TANGO6: variants seen among roughly 807,000 people sequenced by gnomAD.
TANGO6 encodes the protein transport and Golgi organization protein 6 homolog.
Under a neutral mutation model 114.2 loss-of-function variants are expected in TANGO6, and 90 were observed. That is an observed-to-expected ratio of 0.79 (90% CI 0.66 to 0.94). The LOEUF is 0.94. TANGO6 is among the 40% of genes least tolerant of loss of function. The pLI is 0.00. For synonymous variants in TANGO6, 477 were observed against 509.8 expected, an observed-to-expected ratio of 0.94 and a Z score of 0.87; for missense variants, 1,274 against 1,315.3, an observed-to-expected ratio of 0.97 and a Z score of 0.49.
At chr16:69,009,989 G>A (rs1280663113) in intron 15 of TANGO6, among the ~76,000 whole-genome samples, 1 of 152,192 alleles carries the variant, frequency 6.6e-6, no homozygotes, top group Admixed American at 6.5e-5. Context: ...CCAAATGACT[G>A]TGCGATTGAT....
intron 14 of TANGO6, among the ~76,000 whole-genome samples, chr16:68,944,092 G>A (rs932669293): frequency 3.3e-5 from 5 of 152,160 alleles, no homozygotes; most frequent in African/African-American, 1.2e-4. Context: ...TATTTGGAAT[G>A]TATGATTTTA....
At chr16:68,855,959 A>C (rs1216641425) in intron 1 of TANGO6, among the ~76,000 whole-genome samples, 1 of 149,820 alleles carries the variant, frequency 6.7e-6, no homozygotes, top group Non-Finnish European at 1.5e-5. Flanking sequence ...TTTGTTTTTT[A>C]ATTTTTGTTT....
chr16:68,920,190 T>C (rs1963071115), intron 12 of TANGO6, among the ~76,000 whole-genome samples: 1 of 152,242 alleles, frequency 6.6e-6, no homozygotes, highest in African/African-American at 2.4e-5. Flanking sequence ...ACTAAATGAC[T>C]GTTCAGAAAT....
chr16:68,921,175 TTC>T (rs1482977198), intron 12 of TANGO6, among the ~76,000 whole-genome samples: 1 of 151,218 alleles, frequency 6.6e-6, no homozygotes, highest in Non-Finnish European at 1.5e-5. Context: ...GGAATCATTT[TTC>T]TTTTTTCTTT....
chr16:69,077,933 T>A (rs1960405134), intron 17 of TANGO6, among the ~76,000 whole-genome samples: 1 of 152,204 alleles, frequency 6.6e-6, no homozygotes, highest in African/African-American at 2.4e-5. Flanking sequence ...ATTTATTTTA[T>A]TTTTTATTTG....
chr16:68,844,778 G>T (rs935599941), intron 1 of TANGO6, among the ~76,000 whole-genome samples: 10 of 151,972 alleles, frequency 6.6e-5, no homozygotes, highest in Non-Finnish European at 7.4e-5. Context: ...CAATTTTTAC[G>T]GATGAAGGAC....
chr16:69,075,719 G>C (rs531110284), intron 17 of TANGO6, among the ~76,000 whole-genome samples: 1 of 150,500 alleles, frequency 6.6e-6, no homozygotes, highest in South Asian at 2.1e-4. Context: ...CTCTCAAAGT[G>C]CCGGGATTAC....
intron 17 of TANGO6, among the ~76,000 whole-genome samples, chr16:69,061,640 C>T (rs1960117395): frequency 6.6e-6 from 1 of 152,068 alleles, no homozygotes; most frequent in South Asian, 2.1e-4. Flanking sequence ...TTAGTTCATC[C>T]CCTCTGGGCA....
At chr16:68,899,810 A>G (rs1165256227) in intron 7 of TANGO6, among the ~76,000 whole-genome samples, 1 of 152,094 alleles carries the variant, frequency 6.6e-6, no homozygotes, top group African/African-American at 2.4e-5. Context: ...TATGTTGCCC[A>G]GCTAGGCTTG....
chr16:68,912,985 C>T (rs1962945385), intron 11 of TANGO6, among the ~76,000 whole-genome samples: 1 of 147,746 alleles, frequency 6.8e-6, no homozygotes, highest in South Asian at 2.2e-4. Context: ...AAGGCTGAGG[C>T]ATGAAAAACA....
chr16:68,948,829 T>G (rs1217601790), intron 14 of TANGO6, among the ~76,000 whole-genome samples: 2 of 152,206 alleles, frequency 1.3e-5, no homozygotes, highest in African/African-American at 4.8e-5. Context: ...CAGACAATCA[T>G]TAGTGTTTCA....
chr16:68,999,449 G>T (rs1006520893), intron 15 of TANGO6, among the ~76,000 whole-genome samples: 1 of 152,100 alleles, frequency 6.6e-6, no homozygotes, highest in African/African-American at 2.4e-5. Flanking sequence ...GTTTATATTT[G>T]AAAGCATGCC....
intron 16 of TANGO6, among the ~76,000 whole-genome samples, chr16:69,025,584 T>C (rs1959487431): frequency 6.6e-6 from 1 of 152,230 alleles, no homozygotes. Context: ...CAGAGGAAAG[T>C]GTGCCAAACA....
At chr16:69,064,626 A>C (rs1960187432) in intron 17 of TANGO6, among the ~76,000 whole-genome samples, 2 of 152,218 alleles carry the variant, frequency 1.3e-5, no homozygotes, top group Admixed American at 1.3e-4. Flanking sequence ...TGAAAAACAA[A>C]GTTTGTGAAC....
intron 15 of TANGO6, among the ~76,000 whole-genome samples, chr16:68,977,788 C>T (rs1004485651): frequency 6.6e-5 from 10 of 151,058 alleles, no homozygotes; most frequent in African/African-American, 2.2e-4. Flanking sequence ...TGGGTTCAAG[C>T]GATTCTCCTG....
intron 14 of TANGO6, among the ~76,000 whole-genome samples, chr16:68,944,067 T>G (rs1038943079): frequency 1.3e-5 from 2 of 152,194 alleles, no homozygotes; most frequent in African/African-American, 4.8e-5. Context: ...AAGATATCCC[T>G]TGAGATATGA....
Position 68,927,874 on chromosome 16 carries a change from A to G in TANGO6, c.2434A>G (p.Asn812Asp), listed in dbSNP as rs373586386. The G allele has an allele frequency of 1.1e-4, 173 of 1,614,012 alleles. No homozygotes were observed. The highest frequency in any genetic ancestry group is 7.9e-4 in the South Asian group (72 of 91,082). The part of the protein sequence containing the change: ...ETAPQTGLQS[N>D]APIIPQGVNE... Reference sequence around the variant, plus strand: ...AGCCCCCCAGACAGGCCTGCAGTCAAATGCTCCAATCATTCCTCAAGGAGT... The same window carrying G: ...AGCCCCCCAGACAGGCCTGCAGTCAGATGCTCCAATCATTCCTCAAGGAGT... Residue 812 changes from asparagine (N) to aspartate (D), a missense_variant, in exon 13 of 18, where the codon AAT becomes GAT. Around this residue, in one of 5 missense-constraint regions of TANGO6, gnomAD observed 908 missense variants for 910.2 expected, o/e 1.00. Coordinates refer to ENST00000261778, the MANE Select transcript of TANGO6 (RefSeq NM_024562.2).
At chr16:68,930,393 A>C in intron 14 of TANGO6, 98 bp downstream of exon 14, 1 of 1,000,706 alleles carries the variant, frequency 1.0e-6, no homozygotes, top group Non-Finnish European at 1.5e-6. Context: ...CCAGGAGACT[A>C]CTGGTCATTT....
At chr16:68,982,219 C>T (rs1963842715) in intron 15 of TANGO6, among the ~76,000 whole-genome samples, 1 of 152,202 alleles carries the variant, frequency 6.6e-6, no homozygotes, top group South Asian at 2.1e-4. Flanking sequence ...TATAATTATG[C>T]AGGTTGTTCA....
Sources: gnomAD v4.1 joint callset for allele counts (sites outside exome capture counted in the v4.1 genomes callset) on GRCh38, gnomAD v4.1.1 for gene constraint, gnomAD v4.1.1 regional missense constraint, MANE v1.5 for transcripts, NCBI Gene and HGNC (gene_info 2026-07-23, HGNC 2026-07-21) for gene names.